RPS23: variants seen among roughly 807,000 people sequenced by gnomAD.
RPS23 encodes the protein ribosomal protein S23, also known as small ribosomal subunit protein uS12.
For synonymous variants in RPS23, 66 were observed against 60.4 expected (o/e 1.09, Z -0.43); for missense variants, 73 against 174.5 (o/e 0.42, Z 3.28).
At chr5:82,277,373 G>A (rs1480245078) in intron 2 of RPS23, 10 of 360,992 alleles carry the variant, frequency 2.8e-5, no homozygotes, top group Non-Finnish European at 4.1e-5. Context: ...TTATCAAGTC[G>A]ATAAAGTTCA....
rs539481475 is a variant in RPS23, at chr5:82,273,679, T to C, written c.*2430A>G. 1.3e-5 allele frequency: 2 copies of C among 151,844 alleles called. No homozygotes were observed. Among genetic ancestry groups the C allele is most frequent in the South Asian group, 4.1e-4 (2 of 4,830 alleles). 9.4% of individuals were successfully genotyped at this position (151,844 alleles called of 1,614,324 possible). On this transcript the variant is annotated 3_prime_UTR_variant, in exon 4 of 4. Coordinates refer to ENST00000296674, the MANE Select transcript of RPS23 (RefSeq NM_001025.5). ...CTTTGATTTCACTTCCTTGTTTTTT[T>C]CTTAAAACAGGTACTGAGTATAAAA...
chr5:82,278,341 C>T lies in RPS23; in HGVS notation c.-18G>A, dbSNP rs1276484014. The T allele has an allele frequency of 1.9e-6, 3 of 1,608,142 alleles. No homozygotes were observed. The highest frequency in any genetic ancestry group is 2.5e-6 in the Non-Finnish European group (3 of 1,177,736). On this transcript the variant is annotated 5_prime_UTR_variant, in exon 1 of 4. Coordinates refer to ENST00000296674, the MANE Select transcript of RPS23 (RefSeq NM_001025.5). ...TCACCCATCCTGTCGGCGCCACGGG[C>T]CTGAGCGAAAGAGAGAAGCACCGCA...
chr5:82,276,796 A>G, intron 2 of RPS23: 1 of 384,202 alleles, frequency 2.6e-6, no homozygotes, highest in Non-Finnish European at 4.7e-6. Context: ...GGGAGGATCT[A>G]TGCCTAGAAC....
chr5:82,275,965 C>T lies in RPS23; in HGVS notation c.*144G>A, dbSNP rs768670987. The T allele has an allele frequency of 7.0e-6, 5 of 717,490 alleles. No homozygotes were observed. The highest frequency in any genetic ancestry group is 6.0e-5 in the Admixed American group (2 of 33,306). 44.4% of individuals were successfully genotyped at this position (717,490 alleles called of 1,614,324 possible). On this transcript the variant is annotated 3_prime_UTR_variant, in exon 4 of 4. Coordinates refer to ENST00000296674, the MANE Select transcript of RPS23 (RefSeq NM_001025.5). ...TCTCCTAAAATTGGTACAGGTCCTG[C>T]GTTTGCTGGTTTAGGATAAAAAAAA...
rs1747770629 is a variant in RPS23, at chr5:82,276,156, A to C, written c.385T>G (p.Ser129Ala). 7 of 1,611,166 alleles carry C rather than the reference A, an allele frequency of 4.3e-6. No homozygotes were observed. The highest frequency in any genetic ancestry group is 5.9e-6 in the Non-Finnish European group (7 of 1,179,252). ...TTGCCTTTGTATAGGGCCAAAAGAG[A>C]AACATTGGCTACTTTGACAACCTTA... ...RFKVVKVANV[S>A]LLALYKGKKE... Residue 129 changes from serine to alanine, a missense_variant, in exon 4 of 4, where the codon TCT (serine) becomes GCT (alanine). Coordinates refer to ENST00000296674, the MANE Select transcript of RPS23 (RefSeq NM_001025.5).
At position 82,277,818 on chromosome 5, in the gene RPS23, G is replaced by C; in HGVS notation, c.39C>G (p.Leu13=). The C allele has an allele frequency of 6.2e-7, 1 of 1,613,914 alleles. No individual in the cohort carries two copies. ...KCRGLRTARK[L]RSHRRDQKWH... The stretch of plus-strand genomic sequence containing the variant: ...ACTTCTGGTCTCGTCGGTGACTACG[G>C]AGCTTCCTAGCAGTACGAAGTCCAC... The change falls in exon 2 of 4, where the codon CTC becomes CTG. Residue 13 remains leucine, a synonymous_variant. Transcript: ENST00000296674.
chr5:82,276,144 G>A lies in RPS23; in HGVS notation c.397C>T (p.Leu133=), dbSNP rs1429768683. ...VKVANVSLLA[L]YKGKKERPRS ...GGTCTTTCCTTCTTGCCTTTGTATAGGGCCAAAAGAGAAACATTGGCTACT... is the reference window on the plus strand; with the variant it reads ...GGTCTTTCCTTCTTGCCTTTGTATAAGGCCAAAAGAGAAACATTGGCTACT... The change falls in exon 4 of 4, where the codon CTA becomes TTA. Residue 133 remains leucine, a synonymous_variant. Coordinates refer to ENST00000296674, the MANE Select transcript of RPS23 (RefSeq NM_001025.5). 1 of 1,610,652 alleles carries A rather than the reference G, an allele frequency of 6.2e-7. No individual in the cohort carries two copies. Among genetic ancestry groups the A allele is most frequent in the Non-Finnish European group, 8.5e-7 (1 of 1,179,126 alleles).
intron 2 of RPS23, 34 bp from the exon 3 acceptor site, chr5:82,276,552 C>G (rs2112048333): frequency 6.2e-7 from 1 of 1,610,072 alleles, no homozygotes; most frequent in Non-Finnish European, 8.5e-7. Flanking sequence ...TGTGAGCTGG[C>G]TTTCTGAAAA....
At position 82,276,026 on chromosome 5, in the gene RPS23, C is replaced by T. The variant is rs563620245; in HGVS notation, c.*83G>A. The T allele has an allele frequency of 7.5e-5, 99 of 1,315,848 alleles. No individual in the cohort carries two copies. The African/African-American group carries it at 1.3e-3, about 18-fold the overall frequency. 81.5% of individuals were successfully genotyped at this position (1,315,848 alleles called of 1,614,324 possible). On this transcript the variant is annotated 3_prime_UTR_variant, in exon 4 of 4. Transcript: ENST00000296674. ...TGGTGGTGGTAATGAACATGATCTT[C>T]GTGGTGAGAACAGGGGACAGTAAGA...
In RPS23 at chr5:82,275,539, A is replaced by C; in HGVS notation, c.*570T>G. On this transcript the variant is annotated 3_prime_UTR_variant, in exon 4 of 4. Transcript: ENST00000296674. ...AATGATCCAATGCCTGTATTCTCCT[A>C]AACACATTAATGTAGACACATTACA... 1.8e-6 allele frequency: 1 copy of C among 570,198 alleles called. No individual in the cohort carries two copies. The highest frequency in any genetic ancestry group is 3.1e-6 in the Non-Finnish European group (1 of 319,850). The allele number at this position is 570,198 out of a possible 1,614,324, so 35.3% of individuals were successfully genotyped here.
At chr5:82,277,483 C>T in intron 2 of RPS23, 1 of 584,730 alleles carries the variant, frequency 1.7e-6, no homozygotes, top group East Asian at 3.0e-5. Context: ...TCCTTCCAGG[C>T]CAACGTTAAA....
chr5:82,276,004 T>G lies in RPS23; in HGVS notation c.*105A>C, dbSNP rs756755096. On this transcript the variant is annotated 3_prime_UTR_variant, in exon 4 of 4. Coordinates refer to ENST00000296674, the MANE Select transcript of RPS23 (RefSeq NM_001025.5). ...GGATAAAAAAAATAAGGGGGGGTGG[T>G]GGTGGTAATGAACATGATCTTCGTG... 3.8e-6 allele frequency: 4 copies of G among 1,054,682 alleles called. No homozygotes were observed. Among genetic ancestry groups the G allele is most frequent in the Non-Finnish European group, 5.5e-6 (4 of 720,804 alleles). 65.3% of individuals were successfully genotyped at this position (1,054,682 alleles called of 1,614,324 possible). A position where few individuals can be genotyped will look rare whatever the true frequency, so the allele number is the denominator to read the frequency against.
chr5:82,278,038 G>A (rs887787556), intron 1 of RPS23, 186 bp from the exon 2 acceptor site: 2 of 659,218 alleles, frequency 3.0e-6, no homozygotes, highest in African/African-American at 1.8e-5. Context: ...TTCGAAGAGG[G>A]CTCCGGAGAA....
chr5:82,276,714 C>CT (rs1422837339), intron 2 of RPS23, 196 bp from the exon 3 acceptor site: 1 of 660,444 alleles, frequency 1.5e-6, no homozygotes, highest in Admixed American at 2.9e-5. Flanking sequence ...ATTTCTAGAC[C>CT]TTTTACAGTT....
At chr5:82,277,977 C>T in intron 1 of RPS23, 125 bp from the exon 2 acceptor site, 1 of 892,300 alleles carries the variant, frequency 1.1e-6, no homozygotes, top group Non-Finnish European at 1.7e-6. Context: ...ATTTATTGGC[C>T]TGTGGGCCAA....
chr5:82,278,116 T>C, intron 1 of RPS23: 1 of 713,558 alleles, frequency 1.4e-6, no homozygotes. Context: ...CCTGCGTCCC[T>C]CGGTACCCCG....
rs1280360695 is a variant in RPS23 at position 82,276,106 on chromosome 5, T to C, written c.*3A>G. ...ATTACTACAGTGTTTTCACCATTAA[T>C]ATTTATGATCTTGGTCTTTCCTTCT... On this transcript the variant is annotated 3_prime_UTR_variant, in exon 4 of 4. Coordinates refer to ENST00000296674, the MANE Select transcript of RPS23 (RefSeq NM_001025.5). The C allele has an allele frequency of 3.1e-6, 5 of 1,597,786 alleles. No individual in the cohort carries two copies. Among genetic ancestry groups the C allele is most frequent in the Non-Finnish European group, 4.3e-6 (5 of 1,176,002 alleles).
chr5:82,276,719 A>G (rs1747791118), intron 2 of RPS23: 2 of 651,546 alleles, frequency 3.1e-6, no homozygotes, highest in Non-Finnish European at 5.2e-6. Flanking sequence ...TAGACCTTTT[A>G]CAGTTATAAA....
Position 82,276,425 on chromosome 5 carries a change from G to A in RPS23, c.258C>T (p.Pro86=). 1 of 1,613,966 alleles carries A rather than the reference G, an allele frequency of 6.2e-7. No homozygotes were observed. The highest frequency in any genetic ancestry group is 8.5e-7 in the Non-Finnish European group (1 of 1,179,886). The part of the protein sequence containing the change: ...KNGKKITAFV[P]NDGCLNFIEE... ...CAATAAAGTTCAAGCAACCGTCATTGGGTACAAAGGCTGTGATTTTCTTGC... is the reference window on the plus strand; with the variant it reads ...CAATAAAGTTCAAGCAACCGTCATTAGGTACAAAGGCTGTGATTTTCTTGC... Residue 86 remains proline, a synonymous_variant, in exon 3 of 4, where the codon CCC becomes CCT. Coordinates refer to ENST00000296674, the MANE Select transcript of RPS23 (RefSeq NM_001025.5).
Sources: allele counts gnomAD v4.1 joint callset, GRCh38; gene constraint gnomAD v4.1.1; transcripts MANE v1.5; gene names NCBI Gene and HGNC (gene_info 2026-07-23, HGNC 2026-07-21).